The following NBPF11 variants were observed in gnomAD, a reference collection of about 807,000 sequenced individuals.
NBPF11 encodes NBPF member 11.
In NBPF11, 72 loss-of-function variants were observed where a neutral mutation model predicts 93.9. The ratio of observed to expected loss-of-function variants is 0.77; its 90% CI spans 0.63 to 0.93. The LOEUF (loss-of-function observed/expected upper bound fraction) is 0.93. Among genes scored for constraint, NBPF11 ranks in the 40% least tolerant of loss-of-function variants. The pLI is 0.00. For synonymous variants in NBPF11, 224 were observed against 304.9 expected, an observed-to-expected ratio of 0.73 and a Z score of 2.76; for missense variants, 705 against 802.2, an observed-to-expected ratio of 0.88 and a Z score of 1.46.
At chr1:148,146,361 C>T (rs1372355285) in intron 1 of NBPF11, 2 of 1,505,248 alleles carry the variant, frequency 1.3e-6, no homozygotes, top group Non-Finnish European at 1.8e-6. Flanking sequence ...TTGGCGGGGG[C>T]CCCGGTGGAG....
intron 4 of NBPF11, among the ~76,000 whole-genome samples, chr1:148,129,294 AAC>A (rs1669870910): frequency 6.8e-6 from 1 of 147,562 alleles, no homozygotes; most frequent in South Asian, 2.1e-4. Context: ...CAATATATAT[AAC>A]ACGTGTATAT....
In NBPF11 at chr1:148,116,639, C is replaced by A. The variant is rs1311282999; in HGVS notation, c.1307-104G>T. On this transcript the variant is annotated intron_variant, in intron 12 of 23. Transcript: ENST00000682118. ...ACATGAACATCTAGGCATGGGTCAC[C>A]GTTCAACTGAAAACTCTCATGTTTT... 2.0e-5 allele frequency: 12 copies of A among 593,712 alleles called. No individual in the cohort carries two copies. The Admixed American group carries it at 3.2e-4, about 16-fold the overall frequency. The allele number at this position is 593,712 out of a possible 1,614,324, so 36.8% of individuals were successfully genotyped here. A position where few individuals can be genotyped will look rare whatever the true frequency, so the allele number is the denominator to read the frequency against.
At chr1:148,104,436 C>A (rs1169870350) in intron 23 of NBPF11, 101 bp downstream of exon 23, 18 of 617,866 alleles carry the variant, frequency 2.9e-5, no homozygotes, top group South Asian at 3.9e-5. Context: ...AGTAATTCAG[C>A]CTTCGTTGAA....
At position 148,108,610 on chromosome 1, in the gene NBPF11, T is replaced by G; in HGVS notation, c.1898A>C (p.Gln633Pro). Residue 633 changes from glutamine to proline, a missense_variant, in exon 18 of 24, where the codon CAG (glutamine) becomes CCG (proline). This residue lies in a region of NBPF11 where 97 missense variants were observed against 65.0 expected (regional missense o/e 1.49). Coordinates refer to ENST00000682118, the MANE Select transcript of NBPF11 (RefSeq NM_001385469.3). ...LLDEKEPEVL[Q>P]DSLDRCYSTP... is the part of the protein sequence containing the mutation. ...TGAATAACATCTATCCAGTGAGTCC[T>G]GCAAGACTTCAGGCTCTTTCTCATC... 1.3e-6 allele frequency: 2 copies of G among 1,507,692 alleles called. No individual in the cohort carries two copies. The highest frequency in any genetic ancestry group is 9.2e-7 in the Non-Finnish European group (1 of 1,086,466). The allele number at this position is 1,507,692 out of a possible 1,614,324, so 93.4% of individuals were successfully genotyped here.
At chr1:148,149,682 C>A in intron 1 of NBPF11, 1 of 761,350 alleles carries the variant, frequency 1.3e-6, no homozygotes, top group Non-Finnish European at 2.1e-6. Flanking sequence ...GGGACCCCGC[C>A]CCGACCCAGG....
At position 148,108,580 on chromosome 1, in the gene NBPF11, G is replaced by A. The variant is rs1553267849; in HGVS notation, c.1928C>T (p.Pro643Leu). ...QDSLDRCYST[P>L]SVYLGLTDSC... ...GTCAGTCAGTCCAAGATAAACTGAA[G>A]GAGTTGAATAACATCTATCCAGTGA... The change falls in exon 18 of 24, where the codon CCT becomes CTT. Residue 643 changes from proline to leucine, a missense_variant. By Grantham distance (98) the Pro-to-Leu change is moderately conservative. This residue lies in a region of NBPF11 where 97 missense variants were observed against 65.0 expected (regional missense o/e 1.49). Coordinates refer to ENST00000682118, the MANE Select transcript of NBPF11 (RefSeq NM_001385469.3). 4 of 1,589,390 alleles carry A rather than the reference G, an allele frequency of 2.5e-6. No homozygotes were observed. The highest frequency in any genetic ancestry group is 3.3e-5 in the Admixed American group (2 of 59,912).
rs1461401800 is a variant in NBPF11 at position 148,145,213 on chromosome 1, T to C, written c.-548-1527A>G. 5.2e-5 allele frequency among the ~76,000 whole-genome samples: 7 copies of C among 135,204 alleles called. 1 individual carries two copies. Among genetic ancestry groups the C allele is most frequent in the African/African-American group, 2.0e-4 (7 of 34,398 alleles). 88.7% of individuals were successfully genotyped at this position (135,204 alleles called of 152,430 possible). A position where few individuals can be genotyped will look rare whatever the true frequency, so the allele number is the denominator to read the frequency against. ...TTCTTTTTTCTTTCTTTTTTTTTTT[T>C]TTTTTTTTTTTGGTACAAGACAGAG... On this transcript the variant is annotated intron_variant, in intron 1 of 23. Coordinates refer to ENST00000682118, the MANE Select transcript of NBPF11 (RefSeq NM_001385469.3).
chr1:148,130,952 T>C (rs1670222839), intron 4 of NBPF11, among the ~76,000 whole-genome samples: 1 of 151,950 alleles, frequency 6.6e-6, no homozygotes, highest in Admixed American at 6.6e-5. Context: ...TGTAATGTCT[T>C]GTAAATACTG....
chr1:148,148,676 C>T (rs1368951931), intron 1 of NBPF11, among the ~76,000 whole-genome samples: 5 of 151,956 alleles, frequency 3.3e-5, no homozygotes, highest in East Asian at 3.9e-4. Flanking sequence ...GACACAGCTG[C>T]CTGAATTCCT....
Position 148,122,225 on chromosome 1 carries a change from G to A in NBPF11, c.608C>T (p.Ser203Leu), listed in dbSNP as rs1450097745. Residue 203 changes from serine (S) to leucine (L), a missense_variant, in exon 9 of 24, where the codon TCA becomes TTA. Around this residue, in one of 12 missense-constraint regions of NBPF11, gnomAD observed 262 missense variants for 223.1 expected, o/e 1.17. Coordinates refer to ENST00000682118, the MANE Select transcript of NBPF11 (RefSeq NM_001385469.3). ...KAEESKVPED[S>L]LEECAITCSN... ...ACAAGTGATGGCACATTCCTCCAGT[G>A]AGTCCTCAGGGACTTTGCTCTCTTC... 6.8e-5 allele frequency: 110 copies of A among 1,611,914 alleles called. No individual in the cohort carries two copies. The highest frequency in any genetic ancestry group is 9.1e-5 in the Non-Finnish European group (107 of 1,179,732).
chr1:148,103,839 G>T lies in NBPF11; in HGVS notation c.*57C>A. 1 of 1,611,486 alleles carries T rather than the reference G, an allele frequency of 6.2e-7. No individual in the cohort carries two copies. Among genetic ancestry groups the T allele is most frequent in the Non-Finnish European group, 8.5e-7 (1 of 1,179,434 alleles). On this transcript the variant is annotated 3_prime_UTR_variant, in exon 24 of 24. Coordinates refer to ENST00000682118, the MANE Select transcript of NBPF11 (RefSeq NM_001385469.3). ...TCAGGTAGTTCAAAGTACATTGATG[G>T]AGTCGAATAATATCTATCCAGTGAG...
At chr1:148,137,508 C>T (rs1236884375) in intron 3 of NBPF11, among the ~76,000 whole-genome samples, 10 of 152,264 alleles carry the variant, frequency 6.6e-5, no homozygotes, top group Middle Eastern at 6.8e-3. Context: ...TCAGAGAACC[C>T]GGCCGCTTCA....
At chr1:148,120,975 C>T (rs1667685819) in intron 9 of NBPF11, among the ~76,000 whole-genome samples, 1 of 151,936 alleles carries the variant, frequency 6.6e-6, no homozygotes, top group African/African-American at 2.4e-5. Flanking sequence ...GATTTTTATC[C>T]CATGAGTGGC....
At chr1:148,118,322 G>A (rs1300352770) in intron 11 of NBPF11, among the ~76,000 whole-genome samples, 2 of 151,930 alleles carry the variant, frequency 1.3e-5, no homozygotes, top group Non-Finnish European at 2.9e-5. Flanking sequence ...ACCATTTTGA[G>A]TATACTGAAT....
At chr1:148,126,110 C>A (rs112991438) in intron 5 of NBPF11, among the ~76,000 whole-genome samples, 3 of 151,892 alleles carry the variant, frequency 2.0e-5, no homozygotes, top group South Asian at 2.1e-4. Flanking sequence ...AAAGGATTCT[C>A]CTGCCTCAGC....
intron 2 of NBPF11, among the ~76,000 whole-genome samples, chr1:148,141,172 C>T (rs1476520450): frequency 6.6e-6 from 1 of 151,830 alleles, no homozygotes; most frequent in Non-Finnish European, 1.5e-5. Context: ...AATGGTGAAG[C>T]ACAGGGAATT....
intron 2 of NBPF11, among the ~76,000 whole-genome samples, chr1:148,138,969 T>C (rs1220367831): frequency 6.6e-6 from 1 of 151,050 alleles, no homozygotes; most frequent in Non-Finnish European, 1.5e-5. Flanking sequence ...CAGGCGCCTG[T>C]AATCCCAGCT....
intron 4 of NBPF11, among the ~76,000 whole-genome samples, chr1:148,131,363 G>A (rs1250207364): frequency 5.1e-4 from 77 of 151,634 alleles, no homozygotes; most frequent in Non-Finnish European, 8.8e-4. Context: ...CAAGTTTATT[G>A]GAGATCTGAA....
At chr1:148,146,675 C>T (rs1673159371) in intron 1 of NBPF11, 1 of 1,611,822 alleles carries the variant, frequency 6.2e-7, no homozygotes, top group East Asian at 2.2e-5. Flanking sequence ...ACCAAGAGCG[C>T]CCGCGGCAAC....
Sources: allele counts gnomAD v4.1 joint callset (sites outside exome capture counted in the v4.1 genomes callset), GRCh38; gene constraint gnomAD v4.1.1; regional missense constraint gnomAD v4.1.1; transcripts MANE v1.5; gene names NCBI Gene and HGNC (gene_info 2026-07-23, HGNC 2026-07-21).